DCTN5: variants seen among roughly 807,000 people sequenced by gnomAD.
DCTN5 encodes dynactin 4.
In DCTN5, 14 loss-of-function variants were observed where a neutral mutation model predicts 23.5. The observed-to-expected ratio is 0.60, with a 90% CI of 0.39 to 0.93. DCTN5 has a LOEUF of 0.93. Ranked by LOEUF, DCTN5 falls within the 40% of genes least tolerant of loss-of-function variation. The pLI is 0.00. For synonymous variants in DCTN5, 67 were observed against 79.6 expected, an observed-to-expected ratio of 0.84 and a Z score of 0.84; for missense variants, 156 against 225.9, an observed-to-expected ratio of 0.69 and a Z score of 1.98.
chr16:23,658,294 C>T (rs1244107530), intron 2 of DCTN5, among the ~76,000 whole-genome samples: 1 of 152,200 alleles, frequency 6.6e-6, no homozygotes, highest in Non-Finnish European at 1.5e-5. Context: ...AAGGGCAAAG[C>T]TTGTGATGTA....
At chr16:23,651,639 A>C (rs1967607805) in intron 2 of DCTN5, among the ~76,000 whole-genome samples, 1 of 152,258 alleles carries the variant, frequency 6.6e-6, no homozygotes, top group African/African-American at 2.4e-5. Context: ...CATGAAACTG[A>C]AAACAATAAT....
chr16:23,641,628 C>T, intron 1 of DCTN5, 38 bp downstream of exon 1: 1 of 1,612,086 alleles, frequency 6.2e-7, no homozygotes, highest in Non-Finnish European at 8.5e-7. Flanking sequence ...TCTTTCCAAC[C>T]CTGCGTCCCT....
chr16:23,666,023 T>C (rs1356158506), intron 5 of DCTN5: 10 of 334,056 alleles, frequency 3.0e-5, no homozygotes, highest in Non-Finnish European at 4.9e-5. Flanking sequence ...ATAGAGTGAT[T>C]TGAGGGGTGA....
intron 2 of DCTN5, among the ~76,000 whole-genome samples, chr16:23,649,595 C>T (rs558241044): frequency 6.6e-6 from 1 of 152,270 alleles, no homozygotes; most frequent in Non-Finnish European, 1.5e-5. Flanking sequence ...ATAATCCCAG[C>T]TCTTCGAGAG....
intron 4 of DCTN5, among the ~76,000 whole-genome samples, chr16:23,664,453 G>A (rs1278207118): frequency 6.6e-6 from 1 of 152,202 alleles, no homozygotes; most frequent in Non-Finnish European, 1.5e-5. Flanking sequence ...TCTGAGGTCT[G>A]GACTGGTTAG....
chr16:23,645,038 T>C (rs1218103008), intron 2 of DCTN5, among the ~76,000 whole-genome samples: 1 of 132,906 alleles, frequency 7.5e-6, no homozygotes, highest in East Asian at 2.5e-4. Flanking sequence ...CCTTGGCCTC[T>C]CAAAGTACTG....
intron 2 of DCTN5, among the ~76,000 whole-genome samples, chr16:23,657,002 A>AAT (rs1967716667): frequency 1.3e-5 from 2 of 151,842 alleles, no homozygotes; most frequent in South Asian, 2.1e-4. Context: ...AAAAAAAAAA[A>AAT]AATAAAGACT....
chr16:23,666,241 C>T (rs1967903634), intron 5 of DCTN5, among the ~76,000 whole-genome samples: 1 of 152,226 alleles, frequency 6.6e-6, no homozygotes, highest in Admixed American at 6.5e-5. Context: ...GGCTTACCCT[C>T]ACATTGGTCA....
In DCTN5 at chr16:23,659,214, CTGA is replaced by C. The variant is rs1967766865; in HGVS notation, c.236+591_236+593del. ...TCTGATTGACTCATCTTAAGTATCC[CTGA>C]TCTGAACGACTTTGACCCAAAGGGC... On this transcript the variant is annotated intron_variant, in intron 3 of 5. Transcript: ENST00000300087. Among the ~76,000 whole-genome samples, 3 of 152,242 alleles carry C rather than the reference CTGA, an allele frequency of 2.0e-5. 1 individual carries two copies. The highest frequency in any genetic ancestry group is 2.0e-4 in the Admixed American group (3 of 15,288).
chr16:23,662,857 T>C (rs1967839692), intron 4 of DCTN5, among the ~76,000 whole-genome samples: 1 of 152,250 alleles, frequency 6.6e-6, no homozygotes, highest in African/African-American at 2.4e-5. Context: ...GCGAAATGTC[T>C]GAAAGGTTGA....
At chr16:23,644,098 C>G (rs563309209) in intron 2 of DCTN5, among the ~76,000 whole-genome samples, 2 of 151,834 alleles carry the variant, frequency 1.3e-5, no homozygotes, top group Non-Finnish European at 2.9e-5. Context: ...AAATATAATT[C>G]AGTAATTGCT....
At chr16:23,642,903 T>C (rs996430480) in intron 1 of DCTN5, 52 bp from the exon 2 acceptor site, 2 of 1,524,044 alleles carry the variant, frequency 1.3e-6, no homozygotes, top group Non-Finnish European at 1.8e-6. Flanking sequence ...AAACCTGTAG[T>C]CCAGAAACCT....
intron 2 of DCTN5, among the ~76,000 whole-genome samples, chr16:23,645,295 T>G (rs1425817572): frequency 1.3e-5 from 2 of 151,032 alleles, no homozygotes; most frequent in African/African-American, 2.4e-5. Context: ...CCAGCTAATT[T>G]TATATTTTTA....
At position 23,675,265 on chromosome 16, in the gene DCTN5, C is replaced by A. The variant is rs1278118372; in HGVS notation, c.*8121C>A. 1.3e-5 allele frequency: 2 copies of A among 151,996 alleles called. No individual in the cohort carries two copies. The highest frequency in any genetic ancestry group is 4.8e-5 in the African/African-American group (2 of 41,372). 9.4% of individuals were successfully genotyped at this position (151,996 alleles called of 1,614,324 possible). ...CATATGATCCCAGCACTTTGGGAGG[C>A]CGAGGTGGGCAGATTGCTTGAGTTC... On this transcript the variant is annotated 3_prime_UTR_variant, in exon 6 of 6. Coordinates refer to ENST00000300087, the MANE Select transcript of DCTN5 (RefSeq NM_032486.4).
At chr16:23,649,920 G>A (rs1379613314) in intron 2 of DCTN5, among the ~76,000 whole-genome samples, 2 of 151,832 alleles carry the variant, frequency 1.3e-5, no homozygotes, top group African/African-American at 2.4e-5. Flanking sequence ...TCTGCTTATG[G>A]ATATGCTGTT....
chr16:23,645,520 C>G (rs916892522), intron 2 of DCTN5, among the ~76,000 whole-genome samples: 4 of 152,112 alleles, frequency 2.6e-5, no homozygotes, highest in South Asian at 2.1e-4. Flanking sequence ...TTTCATCACC[C>G]CAAATAAAAA....
intron 5 of DCTN5, 52 bp downstream of exon 5, chr16:23,665,780 A>G (rs1161704738): frequency 6.8e-7 from 1 of 1,473,374 alleles, no homozygotes; most frequent in East Asian, 2.3e-5. Flanking sequence ...ACTCAGTTGT[A>G]TTTTCCATCG....
chr16:23,647,301 G>A (rs192751590), intron 2 of DCTN5, among the ~76,000 whole-genome samples: 4 of 151,800 alleles, frequency 2.6e-5, no homozygotes, highest in Admixed American at 1.3e-4. Flanking sequence ...CTAGAGACAG[G>A]GTTTTGCCAT....
Sources: allele counts gnomAD v4.1 joint callset (sites outside exome capture counted in the v4.1 genomes callset), GRCh38; gene constraint gnomAD v4.1.1; transcripts MANE v1.5; gene names NCBI Gene and HGNC (gene_info 2026-07-23, HGNC 2026-07-21).